The following TIMP3 variants were observed in gnomAD, a reference collection of about 807,000 sequenced individuals.
The protein encoded by TIMP3 is TIMP metallopeptidase inhibitor 3.
Under a neutral mutation model 30.0 loss-of-function variants are expected in TIMP3, and 11 were observed. That is an observed-to-expected ratio of 0.37 (90% CI 0.23 to 0.61). TIMP3 has a LOEUF of 0.61. TIMP3 is among the 20% of genes least tolerant of loss of function. The pLI is 0.70. For synonymous variants in TIMP3, 112 were observed against 111.3 expected (o/e 1.01, Z -0.04); for missense variants, 181 against 276.8 (o/e 0.65, Z 2.45).
intron 1 of TIMP3, among the ~76,000 whole-genome samples, chr22:32,808,916 A>G (rs2046837642): frequency 6.6e-6 from 1 of 152,196 alleles, no homozygotes; most frequent in South Asian, 2.1e-4. Context: ...AACCTAACCC[A>G]CTTTAGAGGG....
intron 1 of TIMP3, among the ~76,000 whole-genome samples, chr22:32,802,544 A>G (rs28431032): frequency 0.26 from 39,962 of 151,186 alleles, 6,710 homozygotes; most frequent in African/African-American, 0.48. Context: ...CGCCATGTGC[A>G]CGGAAAGTTG....
intron 1 of TIMP3, among the ~76,000 whole-genome samples, chr22:32,843,871 A>G (rs925644780): frequency 1.3e-5 from 2 of 152,092 alleles, no homozygotes; most frequent in Non-Finnish European, 2.9e-5. Flanking sequence ...TTTAAAAACC[A>G]TGCCTTAAAG....
intron 1 of TIMP3, among the ~76,000 whole-genome samples, chr22:32,813,310 G>T (rs2046962441): frequency 6.6e-6 from 1 of 152,100 alleles, no homozygotes; most frequent in Non-Finnish European, 1.5e-5. Flanking sequence ...TTGGAGTTGG[G>T]GAGACAATAG....
intron 3 of TIMP3, 28 bp from the exon 4 acceptor site, chr22:32,857,989 C>G: frequency 6.2e-7 from 1 of 1,614,104 alleles, no homozygotes; most frequent in African/African-American, 1.3e-5. Flanking sequence ...AAAACAACCT[C>G]TCCTTGTTTT....
intron 1 of TIMP3, among the ~76,000 whole-genome samples, chr22:32,836,762 C>T (rs547207401): frequency 3.1e-4 from 47 of 152,264 alleles, no homozygotes; most frequent in African/African-American, 1.1e-3. Flanking sequence ...CACAACCTTA[C>T]AGAATGAAGC....
chr22:32,855,185 T>C (rs1248399949), intron 2 of TIMP3, among the ~76,000 whole-genome samples: 3 of 152,200 alleles, frequency 2.0e-5, no homozygotes, highest in Non-Finnish European at 4.4e-5. Flanking sequence ...GTGCAACACC[T>C]TGGTGCCCCA....
At chr22:32,822,936 A>T (rs370389662) in intron 1 of TIMP3, among the ~76,000 whole-genome samples, 1 of 151,266 alleles carries the variant, frequency 6.6e-6, no homozygotes, top group Non-Finnish European at 1.5e-5. Flanking sequence ...CAACAAAAAA[A>T]AAACAGAGAG....
rs552519863 is a variant in TIMP3 at position 32,847,465 on chromosome 22, C to T, written c.122-1987C>T. On this transcript the variant is annotated intron_variant, in intron 1 of 4. Coordinates refer to ENST00000266085, the MANE Select transcript of TIMP3 (RefSeq NM_000362.5). ...CAATGACTGTGTGTTTTGCCATCGC[C>T]GGCAGGGAAGGTCTGAAGGGGCCAT... 3.7e-4 allele frequency among the ~76,000 whole-genome samples: 56 copies of T among 152,264 alleles called. 1 individual carries two copies. The highest frequency in any genetic ancestry group is 1.3e-3 in the African/African-American group (54 of 41,550).
chr22:32,803,220 C>T (rs935817963), intron 1 of TIMP3, among the ~76,000 whole-genome samples: 7 of 151,808 alleles, frequency 4.6e-5, no homozygotes, highest in Admixed American at 2.0e-4. Context: ...CTGCCTGTGT[C>T]GATTCAGAGG....
Position 32,859,760 on chromosome 22 carries a change from C to A in TIMP3, c.*383C>A. 3.9e-6 allele frequency: 1 copy of A among 259,696 alleles called. No homozygotes were observed. The highest frequency in any genetic ancestry group is 7.5e-6 in the Non-Finnish European group (1 of 134,008). The allele number at this position is 259,696 out of a possible 1,614,324, so 16.1% of individuals were successfully genotyped here. On this transcript the variant is annotated 3_prime_UTR_variant, in exon 5 of 5. Transcript: ENST00000266085. ...TCTTGCTTCTTCCCCACCTCACCATCTCCCAGACCCTCTTCCCTTTGCCCT... is the reference window on the plus strand; with the variant it reads ...TCTTGCTTCTTCCCCACCTCACCATATCCCAGACCCTCTTCCCTTTGCCCT...
chr22:32,851,502 G>A (rs1043458091), intron 2 of TIMP3, among the ~76,000 whole-genome samples: 1 of 152,126 alleles, frequency 6.6e-6, no homozygotes, highest in Non-Finnish European at 1.5e-5. Flanking sequence ...AGGCTGGTGG[G>A]CTTAGAAGAC....
chr22:32,848,865 A>G (rs925431006), intron 1 of TIMP3, among the ~76,000 whole-genome samples: 1 of 150,692 alleles, frequency 6.6e-6, no homozygotes, highest in African/African-American at 2.5e-5. Flanking sequence ...ACATCCCCAT[A>G]GAGCTCAGAC....
chr22:32,833,277 G>A (rs2047631554), intron 1 of TIMP3, among the ~76,000 whole-genome samples: 1 of 152,162 alleles, frequency 6.6e-6, no homozygotes, highest in Admixed American at 6.5e-5. Context: ...TAAGCAGGGA[G>A]AGACCATCCT....
rs1357048823 is a variant in TIMP3, at chr22:32,816,449, A to G, written c.121+14327A>G. On this transcript the variant is annotated intron_variant, in intron 1 of 4. Transcript: ENST00000266085. The stretch of plus-strand genomic sequence containing the variant: ...AAAAAGAACTTTGGACTGAGGTTAT[A>G]TGAGTCTTCCTGCAGGCTGGAGACC... Among the ~76,000 whole-genome samples the G allele has an allele frequency of 1.1e-4, 17 of 152,212 alleles. No homozygotes were observed. The East Asian group carries it at 3.3e-3, about 29-fold the overall frequency.
At chr22:32,851,175 A>G (rs1433729723) in intron 2 of TIMP3, among the ~76,000 whole-genome samples, 1 of 152,164 alleles carries the variant, frequency 6.6e-6, no homozygotes, top group Non-Finnish European at 1.5e-5. Context: ...TCTGGCAGAC[A>G]GCGCGGGAAT....
rs547435440 is a variant in TIMP3 at position 32,837,356 on chromosome 22, T to C, written c.122-12096T>C. 2.6e-5 allele frequency among the ~76,000 whole-genome samples: 4 copies of C among 152,138 alleles called. No individual in the cohort carries two copies. The South Asian group carries it at 8.3e-4, about 32-fold the overall frequency. On this transcript the variant is annotated intron_variant, in intron 1 of 4. Coordinates refer to ENST00000266085, the MANE Select transcript of TIMP3 (RefSeq NM_000362.5). This position sits in a 1 kb window ranked among gnomAD's most constrained non-coding sequence, Gnocchi z 4.1. ...TCTCAGCCCCCCTCACCGAGTGCAC[T>C]TGCATGGCAGTAAGCAAGTCGGCGC...
At chr22:32,847,601 G>A (rs2048104458) in intron 1 of TIMP3, among the ~76,000 whole-genome samples, 1 of 152,134 alleles carries the variant, frequency 6.6e-6, no homozygotes, top group African/African-American at 2.4e-5. Context: ...TCTTAGTAAA[G>A]ATTTTTTAAA....
At chr22:32,840,400 A>C (rs992090062) in intron 1 of TIMP3, among the ~76,000 whole-genome samples, 1 of 151,992 alleles carries the variant, frequency 6.6e-6, no homozygotes, top group Non-Finnish European at 1.5e-5. Flanking sequence ...GACAAGAGAG[A>C]AGGGCCCTGG....
chr22:32,844,191 G>C (rs1357267562), intron 1 of TIMP3, among the ~76,000 whole-genome samples: 1 of 152,192 alleles, frequency 6.6e-6, no homozygotes, highest in Admixed American at 6.5e-5. Flanking sequence ...GGATTTGGTT[G>C]ACAATGGTTG....
Sources: gnomAD v4.1 joint callset for allele counts (sites outside exome capture counted in the v4.1 genomes callset) on GRCh38, gnomAD v4.1.1 for gene constraint, Gnocchi (gnomAD v3.1) non-coding constraint, MANE v1.5 for transcripts, NCBI Gene and HGNC (gene_info 2026-07-23, HGNC 2026-07-21) for gene names.